Variants in TAFA5 observed in about 807,000 individuals in gnomAD.
TAFA5 encodes TAFA chemokine like family member 5.
A neutral mutation model predicts 15.3 loss-of-function variants in TAFA5; 6 were observed. The observed-to-expected ratio is 0.39, with a 90% CI of 0.21 to 0.77. TAFA5 has a LOEUF of 0.77. Among genes scored for constraint, TAFA5 ranks in the 30% least tolerant of loss-of-function variants. TAFA5 has a pLI of 0.41. For synonymous variants in TAFA5, 103 were observed against 80.7 expected (o/e 1.28, Z -1.48); for missense variants, 161 against 193.1 (o/e 0.83, Z 0.98).
At chr22:48,630,234 G>C (rs1455316756) in intron 1 of TAFA5, among the ~76,000 whole-genome samples, 1 of 152,174 alleles carries the variant, frequency 6.6e-6, no homozygotes, top group African/African-American at 2.4e-5. Flanking sequence ...GAACGCTGCT[G>C]GGCATCTCTG....
chr22:48,642,830 G>A (rs1926732725), intron 1 of TAFA5, among the ~76,000 whole-genome samples: 3 of 152,106 alleles, frequency 2.0e-5, no homozygotes, highest in Admixed American at 6.5e-5. Flanking sequence ...TGGTGTGTGT[G>A]CATGCACACG....
intron 1 of TAFA5, among the ~76,000 whole-genome samples, chr22:48,632,992 G>A (rs11704610): frequency 0.04 from 6,023 of 152,256 alleles, 200 homozygotes; most frequent in East Asian, 0.082. Flanking sequence ...GCTCACAGCC[G>A]TCCTCAGTCC....
In TAFA5 at chr22:48,627,926, T is replaced by C. The variant is rs1926081838; in HGVS notation, c.113-18671T>C. 3.9e-5 allele frequency among the ~76,000 whole-genome samples: 6 copies of C among 152,304 alleles called. No homozygotes were observed. In the South Asian group the frequency reaches 1.2e-3, roughly 32 times the overall value. ...TGCATATTCTCCAGATGCTCCCAGG[T>C]GACCCGGCAGGCAGGTGTGTGCACT... On this transcript the variant is annotated intron_variant, in intron 1 of 3. Transcript: ENST00000402357.
At chr22:48,693,364 A>G in intron 2 of TAFA5, 1 of 1,612,532 alleles carries the variant, frequency 6.2e-7, no homozygotes, top group Non-Finnish European at 8.5e-7. Context: ...GAAATGTACC[A>G]CCACCGGGAA....
At chr22:48,646,560 C>A (rs377215877) in intron 1 of TAFA5, 37 bp from the exon 2 acceptor site, 162 of 1,605,336 alleles carry the variant, frequency 1.0e-4, no homozygotes, top group Non-Finnish European at 1.3e-4. Context: ...GTGTCTGTAA[C>A]GTGTGGCCGC....
At chr22:48,699,701 G>A (rs1045419361) in intron 2 of TAFA5, among the ~76,000 whole-genome samples, 3 of 152,286 alleles carry the variant, frequency 2.0e-5, no homozygotes, top group African/African-American at 2.4e-5. Context: ...TGTCTCTTTC[G>A]GGTGAAGACA....
intron 2 of TAFA5, among the ~76,000 whole-genome samples, chr22:48,650,813 C>G (rs1007547270): frequency 2.2e-5 from 3 of 136,940 alleles, no homozygotes; most frequent in Non-Finnish European, 4.8e-5. Flanking sequence ...TCCCCTCCCC[C>G]AGGGCTGCCC....
intron 1 of TAFA5, among the ~76,000 whole-genome samples, chr22:48,559,090 G>C (rs894320860): frequency 1.3e-5 from 2 of 152,186 alleles, no homozygotes; most frequent in Non-Finnish European, 2.9e-5. Context: ...TGCTACATGA[G>C]GGACACAGTG....
chr22:48,702,614 A>AATGAC (rs1433784488), intron 2 of TAFA5, among the ~76,000 whole-genome samples: 3 of 152,056 alleles, frequency 2.0e-5, no homozygotes, highest in Non-Finnish European at 4.4e-5. Context: ...GTGGATGGGT[A>AATGAC]ATGACGTTTG....
intron 1 of TAFA5, among the ~76,000 whole-genome samples, chr22:48,528,676 T>C (rs1921862537): frequency 6.6e-6 from 1 of 152,132 alleles, no homozygotes; most frequent in Non-Finnish European, 1.5e-5. Flanking sequence ...AAAGACATAG[T>C]GTGAGTATGA....
chr22:48,645,515 T>G (rs1315703261), intron 1 of TAFA5, among the ~76,000 whole-genome samples: 1 of 152,098 alleles, frequency 6.6e-6, no homozygotes, highest in Non-Finnish European at 1.5e-5. Flanking sequence ...AAATTATTTA[T>G]GTTGGCACCT....
At chr22:48,617,013 G>T (rs1179955128) in intron 1 of TAFA5, among the ~76,000 whole-genome samples, 2 of 152,178 alleles carry the variant, frequency 1.3e-5, no homozygotes, top group African/African-American at 4.8e-5. Flanking sequence ...CTGGGAGCGT[G>T]GATACCTGTG....
At chr22:48,746,192 T>C (rs921448540) in intron 3 of TAFA5, among the ~76,000 whole-genome samples, 1 of 151,986 alleles carries the variant, frequency 6.6e-6, no homozygotes, top group African/African-American at 2.4e-5. Context: ...CCCTTCTCGG[T>C]GTTGTCTTTC....
At chr22:48,497,214 C>T (rs1001516984) in intron 1 of TAFA5, among the ~76,000 whole-genome samples, 2 of 152,234 alleles carry the variant, frequency 1.3e-5, no homozygotes, top group Admixed American at 1.3e-4. Flanking sequence ...GGCCGCGCCT[C>T]CCTCCTTCCC....
At chr22:48,620,593 AC>A (rs1925765653) in intron 1 of TAFA5, among the ~76,000 whole-genome samples, 1 of 15,706 alleles carries the variant, frequency 6.4e-5, no homozygotes, top group Non-Finnish European at 1.3e-4. Context: ...CCGTCCACCC[AC>A]CCCCCTACCC....
rs1157179563 is a variant in TAFA5, at chr22:48,605,926, C to T, written c.113-40671C>T. Among the ~76,000 whole-genome samples the T allele has an allele frequency of 2.0e-5, 3 of 152,190 alleles. No homozygotes were observed. The East Asian group carries it at 5.8e-4, about 29-fold the overall frequency. ...AGAGTCCCTCATGGGTTCACAGCCA[C>T]TGCAGTGAACAGGGAAGGGCCTGCC... On this transcript the variant is annotated intron_variant, in intron 1 of 3. Coordinates refer to ENST00000402357, the MANE Select transcript of TAFA5 (RefSeq NM_001082967.3).
At chr22:48,684,102 C>G (rs180871632) in intron 2 of TAFA5, among the ~76,000 whole-genome samples, 2 of 152,008 alleles carry the variant, frequency 1.3e-5, no homozygotes, top group Admixed American at 6.6e-5. Flanking sequence ...CCCAAGGCCC[C>G]GAGTCTCCTT....
intron 2 of TAFA5, among the ~76,000 whole-genome samples, chr22:48,649,642 GTCT>G (rs978151000): frequency 2.6e-5 from 4 of 152,124 alleles, no homozygotes; most frequent in Non-Finnish European, 5.9e-5. Flanking sequence ...AGGCGTGGCG[GTCT>G]TCTTCCCAGG....
In TAFA5 at chr22:48,720,011, A is replaced by C. The variant is rs114200469; in HGVS notation, c.390+12167A>C. Among the ~76,000 whole-genome samples the C allele has an allele frequency of 1.0e-2, 1,516 of 152,294 alleles. 18 individuals are homozygous for C. The highest frequency in any genetic ancestry group is 0.034 in the African/African-American group (1,427 of 41,576). The stretch of plus-strand genomic sequence containing the variant: ...TGACACGCTGGGCGCCATTTACAGT[A>C]ATTGTCCTGCATTAGGCTCGATCTT... On this transcript the variant is annotated intron_variant, in intron 3 of 3. Coordinates refer to ENST00000402357, the MANE Select transcript of TAFA5 (RefSeq NM_001082967.3).
Sources: allele counts gnomAD v4.1 joint callset (sites outside exome capture counted in the v4.1 genomes callset), GRCh38; gene constraint gnomAD v4.1.1; transcripts MANE v1.5; gene names NCBI Gene and HGNC (gene_info 2026-07-23, HGNC 2026-07-21).